MACROD1: variants seen among roughly 807,000 people sequenced by gnomAD.
MACROD1 encodes ADP-ribose glycohydrolase MACROD1.
A neutral mutation model predicts 41.4 loss-of-function variants in MACROD1; 31 were observed. That is an observed-to-expected ratio of 0.75 (90% CI 0.56 to 1.01). MACROD1 has a LOEUF of 1.01. Among genes scored for constraint, MACROD1 ranks in the 50% least tolerant of loss-of-function variants. MACROD1 has a pLI of 0.00. For missense variants in MACROD1, 473 were observed against 460.0 expected, an observed-to-expected ratio of 1.03 and a Z score of -0.26; for synonymous variants, 252 against 203.4, an observed-to-expected ratio of 1.24 and a Z score of -2.03.
rs1326621660 is a variant in MACROD1 at position 64,000,217 on chromosome 11, G to A, written c.664+10C>T. 3 of 1,600,704 alleles carry A rather than the reference G, an allele frequency of 1.9e-6. No homozygotes were observed. Among genetic ancestry groups the A allele is most frequent in the Admixed American group, 3.4e-5 (2 of 58,846 alleles). Reference sequence around the variant, plus strand: ...TGCGCCCCACAGCTGGGGGCGCGTCGGGGACTCACACTTGGCCGGGAGCCG... The same window carrying A: ...TGCGCCCCACAGCTGGGGGCGCGTCAGGGACTCACACTTGGCCGGGAGCCG... On this transcript the variant is annotated intron_variant, in intron 5 of 10. Transcript: ENST00000255681.
intron 3 of MACROD1, among the ~76,000 whole-genome samples, chr11:64,119,445 C>T (rs1002610444): frequency 1.3e-5 from 2 of 152,178 alleles, no homozygotes; most frequent in African/African-American, 4.8e-5. Context: ...CGTGCAATCA[C>T]CTTAACAGCT....
intron 3 of MACROD1, among the ~76,000 whole-genome samples, chr11:64,072,424 A>T (rs751057050): frequency 1.8e-3 from 204 of 112,880 alleles, no homozygotes; most frequent in Non-Finnish European, 3.8e-3. Flanking sequence ...CGGCTCATTT[A>T]AAAAAAAAAA....
At chr11:64,060,696 TC>T (rs1943883220) in intron 3 of MACROD1, 1 of 152,224 alleles carries the variant, frequency 6.6e-6, no homozygotes, top group African/African-American at 2.4e-5. Flanking sequence ...GTTCATTCAT[TC>T]ATTCATTCAT....
intron 3 of MACROD1, among the ~76,000 whole-genome samples, chr11:64,131,567 C>A (rs1945266425): frequency 6.6e-6 from 1 of 152,152 alleles, no homozygotes; most frequent in Non-Finnish European, 1.5e-5. Context: ...CTTCAATGAT[C>A]CACCCGCATC....
At chr11:64,134,626 C>T (rs1325480815) in intron 3 of MACROD1, among the ~76,000 whole-genome samples, 2 of 152,174 alleles carry the variant, frequency 1.3e-5, no homozygotes, top group Non-Finnish European at 2.9e-5. Context: ...GGGGACAGCA[C>T]CTGAGGAAGC....
intron 3 of MACROD1, among the ~76,000 whole-genome samples, chr11:64,073,001 G>T (rs187182274): frequency 2.0e-5 from 3 of 152,316 alleles, no homozygotes; most frequent in East Asian, 3.9e-4. Flanking sequence ...GCCCAGAGAG[G>T]GGTCGGGACC....
At chr11:64,069,117 G>T (rs1416508980) in intron 3 of MACROD1, among the ~76,000 whole-genome samples, 2 of 152,186 alleles carry the variant, frequency 1.3e-5, no homozygotes, top group East Asian at 3.8e-4. Flanking sequence ...GGGGTGTGAG[G>T]GTGACGGTGT....
chr11:64,043,828 T>A (rs1393412051), intron 3 of MACROD1, among the ~76,000 whole-genome samples: 2 of 151,498 alleles, frequency 1.3e-5, no homozygotes, highest in Non-Finnish European at 2.9e-5. Flanking sequence ...TTTTTTTTTT[T>A]ATGACGGAGT....
intron 1 of MACROD1, among the ~76,000 whole-genome samples, chr11:64,154,650 C>A (rs745715896): frequency 6.6e-6 from 1 of 152,230 alleles, no homozygotes; most frequent in Non-Finnish European, 1.5e-5. Flanking sequence ...AGCCAGGCTG[C>A]TTCCTGCCCC....
At chr11:64,032,135 T>C (rs1004346158) in intron 3 of MACROD1, among the ~76,000 whole-genome samples, 16 of 152,176 alleles carry the variant, frequency 1.1e-4, no homozygotes, top group Admixed American at 8.5e-4. Context: ...AGGAAGACCC[T>C]GTTCCTCCCT....
At chr11:64,113,527 T>C (rs568562217) in intron 3 of MACROD1, among the ~76,000 whole-genome samples, 6 of 148,520 alleles carry the variant, frequency 4.0e-5, no homozygotes, top group South Asian at 2.1e-4. Flanking sequence ...GATGGATGGA[T>C]AGACAGGTGG....
In MACROD1 at chr11:64,105,958, G is replaced by A. The variant is rs568541845; in HGVS notation, c.517+45281C>T. On this transcript the variant is annotated intron_variant, in intron 3 of 10. Coordinates refer to ENST00000255681, the MANE Select transcript of MACROD1 (RefSeq NM_014067.4). ...GGGTCCTGAGTGGTGGGTTCCATCC[G>A]TGAGTGTATCTGTGGGGTGGGCGGG... is the stretch of plus-strand genomic sequence containing the variant. 2.0e-4 allele frequency among the ~76,000 whole-genome samples: 28 copies of A among 139,046 alleles called. 1 individual carries two copies. The South Asian group carries it at 6.6e-3, about 33-fold the overall frequency. The allele number at this position is 139,046 out of a possible 152,430, so 91.2% of individuals were successfully genotyped here. A position where few individuals can be genotyped will look rare whatever the true frequency, so the allele number is the denominator to read the frequency against.
chr11:64,121,720 C>T (rs1242418402), intron 3 of MACROD1, among the ~76,000 whole-genome samples: 39 of 152,224 alleles, frequency 2.6e-4, no homozygotes, highest in Admixed American at 2.4e-3. Context: ...CCCGGGCTCC[C>T]GTGCACAGCT....
chr11:64,028,731 C>G (rs1943256216), intron 3 of MACROD1, among the ~76,000 whole-genome samples: 1 of 152,096 alleles, frequency 6.6e-6, no homozygotes. Context: ...CTCAGCGGCG[C>G]TGGTGCTCCT....
In MACROD1 at chr11:64,047,318, C is replaced by T. The variant is rs577342036; in HGVS notation, c.518-32037G>A. ...GTACAACAGCCCTGGGAGTGGGTAGCGTGAGCCCATTTTAAGAAGGCGAAA... is the reference window on the plus strand; with the variant it reads ...GTACAACAGCCCTGGGAGTGGGTAGTGTGAGCCCATTTTAAGAAGGCGAAA... On this transcript the variant is annotated intron_variant, in intron 3 of 10. Transcript: ENST00000255681. Among the ~76,000 whole-genome samples the T allele has an allele frequency of 2.0e-5, 3 of 152,112 alleles. No individual in the cohort carries two copies. In the South Asian group the frequency reaches 6.2e-4, roughly 32 times the overall value.
chr11:64,087,985 G>A (rs1055656829), intron 3 of MACROD1, among the ~76,000 whole-genome samples: 6 of 152,320 alleles, frequency 3.9e-5, no homozygotes, highest in Admixed American at 3.9e-4. Context: ...AGAGCTGGGA[G>A]GGCCTCGAGA....
intron 3 of MACROD1, among the ~76,000 whole-genome samples, chr11:64,062,961 G>T (rs1430125102): frequency 6.6e-6 from 1 of 152,224 alleles, no homozygotes; most frequent in South Asian, 2.1e-4. Context: ...ATGGCCTGGG[G>T]CTGGGACAAC....
chr11:64,031,773 C>T lies in MACROD1; in HGVS notation c.518-16492G>A, dbSNP rs142461641. ...GATTACAGGCGTGAGCTACTGCACCCGGCCACTGCTGGAGCTTTCTGATGT... is the reference window on the plus strand; with the variant it reads ...GATTACAGGCGTGAGCTACTGCACCTGGCCACTGCTGGAGCTTTCTGATGT... On this transcript the variant is annotated intron_variant, in intron 3 of 10. Coordinates refer to ENST00000255681, the MANE Select transcript of MACROD1 (RefSeq NM_014067.4). 6.7e-3 allele frequency among the ~76,000 whole-genome samples: 1,024 copies of T among 152,332 alleles called. 7 individuals carry two copies. The highest frequency in any genetic ancestry group is 0.023 in the African/African-American group (957 of 41,574).
intron 3 of MACROD1, among the ~76,000 whole-genome samples, chr11:64,028,537 G>A (rs1943251703): frequency 6.6e-6 from 1 of 152,054 alleles, no homozygotes; most frequent in African/African-American, 2.4e-5. Flanking sequence ...TGGTATGCGA[G>A]GCCCGGCCTC....
Sources: gnomAD v4.1 joint callset for allele counts (sites outside exome capture counted in the v4.1 genomes callset) on GRCh38, gnomAD v4.1.1 for gene constraint, MANE v1.5 for transcripts, NCBI Gene and HGNC (gene_info 2026-07-23, HGNC 2026-07-21) for gene names.